The following CNTN4 variants were observed in gnomAD, a reference collection of about 807,000 sequenced individuals.
CNTN4 encodes the protein contactin 4, also known as contactin-4.
In CNTN4, 77 loss-of-function variants were observed where a neutral mutation model predicts 122.5. That is an observed-to-expected ratio of 0.63 (90% CI 0.52 to 0.76). CNTN4 has a LOEUF of 0.76. CNTN4 is among the 30% of genes least tolerant of loss of function. The probability of loss-of-function intolerance (pLI) is 0.00; values close to 1 mark genes in which losing one functional copy is unlikely to be tolerated. For missense variants in CNTN4, 1,256 were observed against 1,259.1 expected (o/e 1.00, Z 0.04); for synonymous variants, 512 against 447.0 (o/e 1.15, Z -1.83).
chr3:2,681,712 A>AAT (rs140336657), intron 4 of CNTN4, among the ~76,000 whole-genome samples: 308 of 150,998 alleles, frequency 2.0e-3, no homozygotes, highest in Admixed American at 3.1e-3. Context: ...TTCATGTATA[A>AAT]ATATATATAT....
intron 3 of CNTN4, among the ~76,000 whole-genome samples, chr3:2,529,400 G>C (rs2077514887): frequency 6.6e-6 from 1 of 152,014 alleles, no homozygotes; most frequent in Non-Finnish European, 1.5e-5. Flanking sequence ...TGTGAATATT[G>C]CTGCAACAAA....
chr3:2,177,843 A>G (rs1406605500), intron 2 of CNTN4, among the ~76,000 whole-genome samples: 1 of 152,118 alleles, frequency 6.6e-6, no homozygotes, highest in East Asian at 1.9e-4. Flanking sequence ...CAATATCAAG[A>G]CTAGTGTTTG....
At chr3:2,934,546 A>G (rs1024486602) in intron 13 of CNTN4, among the ~76,000 whole-genome samples, 1 of 152,254 alleles carries the variant, frequency 6.6e-6, no homozygotes, top group African/African-American at 2.4e-5. Flanking sequence ...GATGGCAGGT[A>G]TTTGCCCAGA....
intron 2 of CNTN4, chr3:2,132,465 G>C (rs150814047): frequency 7.4e-4 from 113 of 152,254 alleles, no homozygotes; most frequent in African/African-American, 2.5e-3. Flanking sequence ...GAAGAAGAGA[G>C]ATAATGTGTT....
At chr3:2,756,179 A>G (rs2090329285) in intron 6 of CNTN4, among the ~76,000 whole-genome samples, 1 of 152,230 alleles carries the variant, frequency 6.6e-6, no homozygotes, top group Admixed American at 6.5e-5. Flanking sequence ...TTGACTAACT[A>G]TAGTGATTTG....
chr3:2,916,785 AG>A (rs1228205214), intron 12 of CNTN4, among the ~76,000 whole-genome samples: 2 of 149,676 alleles, frequency 1.3e-5, no homozygotes, highest in South Asian at 4.3e-4. Context: ...GGCCGGGCAG[AG>A]GGGCCCCCCA....
chr3:2,321,835 T>G (rs1169783200), intron 2 of CNTN4, among the ~76,000 whole-genome samples: 1 of 152,130 alleles, frequency 6.6e-6, no homozygotes, highest in East Asian at 1.9e-4. Flanking sequence ...TCATATTTAG[T>G]GACATGATTT....
chr3:2,403,412 C>A (rs528211610), intron 3 of CNTN4, among the ~76,000 whole-genome samples: 34 of 152,226 alleles, frequency 2.2e-4, no homozygotes, highest in African/African-American at 7.5e-4. Context: ...TAACTTACTG[C>A]TGCTTTTACT....
At chr3:2,398,471 T>G (rs939199629) in intron 3 of CNTN4, among the ~76,000 whole-genome samples, 3 of 152,152 alleles carry the variant, frequency 2.0e-5, no homozygotes, top group African/African-American at 7.2e-5. Flanking sequence ...CTATAAAAAA[T>G]TAATACTTTT....
At chr3:2,138,012 C>G (rs76432537) in intron 2 of CNTN4, among the ~76,000 whole-genome samples, 316 of 151,788 alleles carry the variant, frequency 2.1e-3, no homozygotes, top group Middle Eastern at 3.5e-3. Context: ...AGTAAGTAGT[C>G]GGCTCTTTCA....
At chr3:2,812,973 G>T (rs2092647108) in intron 6 of CNTN4, among the ~76,000 whole-genome samples, 1 of 152,142 alleles carries the variant, frequency 6.6e-6, no homozygotes, top group Admixed American at 6.5e-5. Context: ...TTACAGGGAA[G>T]TCCAGTCTTC....
chr3:2,891,386 C>T (rs2094038652), intron 10 of CNTN4, among the ~76,000 whole-genome samples: 1 of 151,974 alleles, frequency 6.6e-6, no homozygotes, highest in Admixed American at 6.6e-5. Flanking sequence ...GGCGGAGGTT[C>T]CAGTGAGCCG....
At chr3:2,249,476 A>G (rs1271859522) in intron 2 of CNTN4, among the ~76,000 whole-genome samples, 1 of 151,960 alleles carries the variant, frequency 6.6e-6, no homozygotes, top group Non-Finnish European at 1.5e-5. Context: ...GTGAGCAGCT[A>G]GAAAGTTCAA....
rs2041882878 is a variant in CNTN4 at position 2,285,904 on chromosome 3, T to C, written c.-144-53274T>C. 2.0e-5 allele frequency among the ~76,000 whole-genome samples: 3 copies of C among 152,170 alleles called. No homozygotes were observed. In the South Asian group the frequency reaches 6.2e-4, roughly 32 times the overall value. On this transcript the variant is annotated intron_variant, in intron 2 of 24. Transcript: ENST00000418658. ...ACTAATGGCCAAATATTATTCCATT[T>C]GTAGATGTATGTACTTATTTAACTA...
intron 14 of CNTN4, among the ~76,000 whole-genome samples, chr3:3,019,509 G>T (rs932804346): frequency 6.6e-6 from 1 of 151,672 alleles, no homozygotes; most frequent in African/African-American, 2.4e-5. Context: ...TGGCCAGGCT[G>T]GTCTGGAACT....
chr3:2,593,308 A>C (rs1312283114), intron 4 of CNTN4, among the ~76,000 whole-genome samples: 1 of 152,196 alleles, frequency 6.6e-6, no homozygotes, highest in African/African-American at 2.4e-5. Context: ...TTTAACTCCA[A>C]TAAATAACAT....
intron 3 of CNTN4, among the ~76,000 whole-genome samples, chr3:2,493,087 C>T (rs1237534460): frequency 6.6e-6 from 1 of 152,130 alleles, no homozygotes; most frequent in Non-Finnish European, 1.5e-5. Context: ...AAATTGTAGG[C>T]GTAAATGTTT....
chr3:2,149,792 T>C (rs2035412381), intron 2 of CNTN4, among the ~76,000 whole-genome samples: 1 of 152,130 alleles, frequency 6.6e-6, no homozygotes, highest in African/African-American at 2.4e-5. Context: ...TAGTTGTAGG[T>C]TGTGCAACTA....
chr3:2,400,389 G>C lies in CNTN4; in HGVS notation c.-89+61156G>C, dbSNP rs150168367. Among the ~76,000 whole-genome samples, 680 of 125,948 alleles carry C rather than the reference G, an allele frequency of 5.4e-3. 5 individuals are homozygous for C. Among genetic ancestry groups the C allele is most frequent in the African/African-American group, 0.018 (647 of 36,344 alleles). The allele number at this position is 125,948 out of a possible 152,430, so 82.6% of individuals were successfully genotyped here. A position where few individuals can be genotyped will look rare whatever the true frequency, so the allele number is the denominator to read the frequency against. ...GTATGTGTGTGTATATGTGTGTGGT[G>C]TGTGTATGTGTGTGAATATATATAT... On this transcript the variant is annotated intron_variant, in intron 3 of 24. Transcript: ENST00000418658.
Sources: allele counts gnomAD v4.1 joint callset (sites outside exome capture counted in the v4.1 genomes callset), GRCh38; gene constraint gnomAD v4.1.1; transcripts MANE v1.5; gene names NCBI Gene and HGNC (gene_info 2026-07-23, HGNC 2026-07-21).